The following MRPS9 variants were observed in gnomAD, a reference collection of about 807,000 sequenced individuals.
MRPS9 encodes mitochondrial ribosomal protein S9.
A neutral mutation model predicts 59.9 loss-of-function variants in MRPS9; 45 were observed. The observed-to-expected ratio is 0.75, with a 90% confidence interval of 0.59 to 0.96. The LOEUF (loss-of-function observed/expected upper bound fraction) is 0.96, where lower values mean the gene tolerates loss of function less well. Among genes scored for constraint, MRPS9 ranks in the 40% least tolerant of loss-of-function variants. The probability of loss-of-function intolerance (pLI) is 0.00; values close to 1 mark genes in which losing one functional copy is unlikely to be tolerated. For synonymous variants in MRPS9, 171 were observed against 166.8 expected (o/e 1.03, Z -0.19); for missense variants, 473 against 481.1 (o/e 0.98, Z 0.16).
chr2:105,077,977 GA>G (rs112587260), intron 4 of MRPS9, among the ~76,000 whole-genome samples: 5 of 151,602 alleles, frequency 3.3e-5, no homozygotes, highest in Non-Finnish European at 2.9e-5. Flanking sequence ...GAAGCAGTGG[GA>G]AAAAAAATTG....
intron 1 of MRPS9, among the ~76,000 whole-genome samples, chr2:105,040,924 A>G (rs1022725358): frequency 2.6e-5 from 4 of 152,222 alleles, no homozygotes; most frequent in African/African-American, 9.7e-5. Context: ...ATATGAAAAC[A>G]GAAAGCTATT....
chr2:105,045,680 ACT>A (rs576285348), intron 1 of MRPS9, among the ~76,000 whole-genome samples: 209 of 149,386 alleles, frequency 1.4e-3, no homozygotes, highest in African/African-American at 4.8e-3. Context: ...CTAAGATGTA[ACT>A]CTCTGGAACT....
At chr2:105,087,709 G>T (rs1426240124) in intron 5 of MRPS9, among the ~76,000 whole-genome samples, 1 of 152,110 alleles carries the variant, frequency 6.6e-6, no homozygotes, top group Non-Finnish European at 1.5e-5. Context: ...AGTCCTACCT[G>T]TTGAGTATTA....
At chr2:105,098,992 T>C (rs1680731870) in intron 10 of MRPS9, among the ~76,000 whole-genome samples, 1 of 152,134 alleles carries the variant, frequency 6.6e-6, no homozygotes, top group South Asian at 2.1e-4. Context: ...ACATAATCAC[T>C]CCTGATGATT....
chr2:105,050,071 A>G (rs1679681734), intron 2 of MRPS9, among the ~76,000 whole-genome samples: 1 of 152,172 alleles, frequency 6.6e-6, no homozygotes, highest in South Asian at 2.1e-4. Context: ...TTTCCTATTT[A>G]TAAATGGTAC....
chr2:105,073,226 A>G (rs1392777945), intron 4 of MRPS9, among the ~76,000 whole-genome samples: 6 of 151,930 alleles, frequency 3.9e-5, no homozygotes, highest in Non-Finnish European at 7.4e-5. Context: ...CTGCCCCTCT[A>G]AGACTGGTTT....
At chr2:105,081,694 G>A (rs1276214807) in intron 5 of MRPS9, among the ~76,000 whole-genome samples, 1 of 152,190 alleles carries the variant, frequency 6.6e-6, no homozygotes, top group African/African-American at 2.4e-5. Context: ...TGGATGAAAT[G>A]TTACCATACT....
At chr2:105,091,958 A>AT (rs1680566586) in intron 7 of MRPS9, 1 of 155,254 alleles carries the variant, frequency 6.4e-6, no homozygotes, top group African/African-American at 2.4e-5. Flanking sequence ...TGCCAAATGT[A>AT]TTATGAAATA....
intron 4 of MRPS9, among the ~76,000 whole-genome samples, chr2:105,077,696 TAACTG>T (rs1680241787): frequency 6.6e-6 from 1 of 152,136 alleles, no homozygotes; most frequent in Non-Finnish European, 1.5e-5. Context: ...TTATTATAGA[TAACTG>T]AATAGGGGAG....
chr2:105,039,671 TA>T (rs1573411658), intron 1 of MRPS9, among the ~76,000 whole-genome samples: 2 of 152,210 alleles, frequency 1.3e-5, no homozygotes. Context: ...ATTATGTTTT[TA>T]AAAGCATTTT....
At chr2:105,063,890 A>C (rs1477874213) in intron 2 of MRPS9, among the ~76,000 whole-genome samples, 2 of 152,200 alleles carry the variant, frequency 1.3e-5, no homozygotes, top group Non-Finnish European at 2.9e-5. Flanking sequence ...GACTAAGACA[A>C]GGTCCTTTGC....
intron 4 of MRPS9, among the ~76,000 whole-genome samples, chr2:105,077,175 G>T (rs868866403): frequency 6.6e-6 from 1 of 151,316 alleles, no homozygotes; most frequent in African/African-American, 2.4e-5. Context: ...AACCCAGGAG[G>T]TGGAGGTTGC....
In MRPS9 at chr2:105,057,434, G is replaced by A. The variant is rs112397438; in HGVS notation, c.315+8084G>A. On this transcript the variant is annotated intron_variant, in intron 2 of 10. Transcript: ENST00000258455. ...TATACATAACTGTTAGGAGGAATCT[G>A]TCAGTTGGAACCTTGAGCTGAGTGA... Among the ~76,000 whole-genome samples, 519 of 152,272 alleles carry A rather than the reference G, an allele frequency of 3.4e-3. 1 individual carries two copies. The highest frequency in any genetic ancestry group is 6.9e-3 in the Admixed American group (105 of 15,294).
chr2:105,062,178 A>G (rs1221826058), intron 2 of MRPS9, among the ~76,000 whole-genome samples: 1 of 152,026 alleles, frequency 6.6e-6, no homozygotes, highest in Non-Finnish European at 1.5e-5. Flanking sequence ...TCTCTCTTAC[A>G]TTTTCCTACT....
In MRPS9 at chr2:105,049,998, G is replaced by A. The variant is rs181694944; in HGVS notation, c.315+648G>A. On this transcript the variant is annotated intron_variant, in intron 2 of 10. Transcript: ENST00000258455. Reference sequence around the variant, plus strand: ...TGTATAGATAATAACATTCTTATACGATTTTAATATTATTTTTAGTCATTT... The same window carrying A: ...TGTATAGATAATAACATTCTTATACAATTTTAATATTATTTTTAGTCATTT... Among the ~76,000 whole-genome samples the A allele has an allele frequency of 4.5e-3, 681 of 152,104 alleles. 3 individuals are homozygous for A. Among genetic ancestry groups the A allele is most frequent in the Middle Eastern group, 0.01 (3 of 294 alleles).
At position 105,099,707 on chromosome 2, in the gene MRPS9, G is replaced by A; in HGVS notation, c.1137G>A (p.Arg379=). The change falls in exon 11 of 11, where the codon CGG becomes CGA. Residue 379 remains arginine (R), a synonymous_variant. Transcript: ENST00000258455. ...LLTTDPRVRE[R]KKPGQEGARR... ...CTACTGATCCACGTGTGAGGGAACG[G>A]AAGAAGCCAGGCCAAGAGGGAGCCC... is the stretch of plus-strand genomic sequence containing the variant. 6.2e-7 allele frequency: 1 copy of A among 1,614,158 alleles called. No individual in the cohort carries two copies. Among genetic ancestry groups the A allele is most frequent in the Non-Finnish European group, 8.5e-7 (1 of 1,180,036 alleles).
At chr2:105,062,166 T>A (rs1057366679) in intron 2 of MRPS9, among the ~76,000 whole-genome samples, 2 of 152,152 alleles carry the variant, frequency 1.3e-5, no homozygotes, top group African/African-American at 4.8e-5. Flanking sequence ...TCTGTCTGTC[T>A]TTCTCTCTTA....
At chr2:105,088,821 A>G (rs1680500369) in intron 5 of MRPS9, among the ~76,000 whole-genome samples, 163 bp from the exon 6 acceptor site, 1 of 152,160 alleles carries the variant, frequency 6.6e-6, no homozygotes, top group South Asian at 2.1e-4. Flanking sequence ...GAGAAATAGT[A>G]TTATTAAAAG....
At chr2:105,086,345 C>T (rs924989290) in intron 5 of MRPS9, among the ~76,000 whole-genome samples, 3 of 152,024 alleles carry the variant, frequency 2.0e-5, no homozygotes, top group African/African-American at 7.2e-5. Flanking sequence ...TTCTCCTCTT[C>T]CACATTTTTT....
Sources: allele counts gnomAD v4.1 joint callset (sites outside exome capture counted in the v4.1 genomes callset), GRCh38; gene constraint gnomAD v4.1.1; transcripts MANE v1.5; gene names NCBI Gene and HGNC (gene_info 2026-07-23, HGNC 2026-07-21).